Variants in CLK3 observed in about 807,000 individuals in gnomAD.
CLK3 encodes CDC like kinase 3, also known as dual specificity protein kinase CLK3.
CLK3 carries 24 observed loss-of-function variants against 65.2 expected under a neutral mutation model. The ratio of observed to expected loss-of-function variants is 0.37; its 90% CI spans 0.27 to 0.52. The LOEUF (loss-of-function observed/expected upper bound fraction) is 0.52. Ranked by LOEUF, CLK3 falls within the 20% of genes least tolerant of loss-of-function variation. CLK3 has a pLI of 0.92. For synonymous variants in CLK3, 252 were observed against 240.8 expected (o/e 1.05, Z -0.43); for missense variants, 506 against 660.0 (o/e 0.77, Z 2.56).
intron 12 of CLK3, 86 bp downstream of exon 12, chr15:74,629,118 C>T (rs748596058): frequency 5.5e-5 from 57 of 1,032,298 alleles, no homozygotes; most frequent in Middle Eastern, 4.0e-4. Context: ...CAGGCCAGGC[C>T]GCTAAAGGCT....
rs978476100 is a variant in CLK3 at position 74,624,723 on chromosome 15, C to G, written c.534-179C>G. On this transcript the variant is annotated intron_variant, in intron 5 of 12. Coordinates refer to ENST00000395066, the MANE Select transcript of CLK3 (RefSeq NM_001130028.2). This position sits in a 1 kb window ranked among gnomAD's most constrained non-coding sequence, Gnocchi z 4.2. ...TAACTCACAGATCTCAGGGAGCTTGCTGTTGGGTGGGCAAAGGTCTGGTGT... is the reference window on the plus strand; with the variant it reads ...TAACTCACAGATCTCAGGGAGCTTGGTGTTGGGTGGGCAAAGGTCTGGTGT... 1.6e-6 allele frequency: 1 copy of G among 608,216 alleles called. No individual in the cohort carries two copies. The highest frequency in any genetic ancestry group is 1.9e-5 in the African/African-American group (1 of 53,944). 37.7% of individuals were successfully genotyped at this position (608,216 alleles called of 1,614,324 possible).
At chr15:74,615,589 C>A, upstream of CLK3, 2 of 1,263,612 alleles carry the variant, frequency 1.6e-6, no homozygotes, top group Non-Finnish European at 2.0e-6. Flanking sequence ...GGGCCGCGCA[C>A]CTGTCAGGTC....
rs371419854 is a variant in CLK3 at position 74,620,026 on chromosome 15, A to C, written c.170A>C (p.Tyr57Ser). The change falls in exon 3 of 13, where the codon TAC (tyrosine) becomes TCC (serine). Residue 57 changes from tyrosine (Y) to serine (S), a missense_variant. By Grantham distance (144) the Tyr-to-Ser change is moderately radical (BLOSUM62 -2). Around this residue, in one of 2 missense-constraint regions of CLK3, gnomAD observed 181 missense variants for 159.4 expected, o/e 1.14. Coordinates refer to ENST00000395066, the MANE Select transcript of CLK3 (RefSeq NM_001130028.2). ...TTTGGCAGCCATGACCGCCTGCCCT[A>C]CCAGAGGAGGTACCGGGAGCGCCGT... ...SRSRSHDRLP[Y>S]QRRYRERRDS... 9.3e-6 allele frequency: 15 copies of C among 1,613,992 alleles called. No individual in the cohort carries two copies. The highest frequency in any genetic ancestry group is 1.2e-5 in the Non-Finnish European group (14 of 1,180,026).
chr15:74,624,280 CCTT>C lies in CLK3; in HGVS notation c.534-618_534-616del. ...AGGCACAGAGCAGGGACTGTTAAAA[CCTT>C]CTTTGGACACTTAAGAAGGGTTCCT... On this transcript the variant is annotated intron_variant, in intron 5 of 12. Coordinates refer to ENST00000395066, the MANE Select transcript of CLK3 (RefSeq NM_001130028.2). The surrounding 1 kb of genome is among the most constrained non-coding windows in gnomAD (Gnocchi z 4.2). The C allele has an allele frequency of 6.6e-6, 1 of 152,602 alleles. No homozygotes were observed. The highest frequency in any genetic ancestry group is 1.5e-5 in the Non-Finnish European group (1 of 68,238). The allele number at this position is 152,602 out of a possible 1,614,324, so 9.5% of individuals were successfully genotyped here.
chr15:74,620,398 T>G, intron 3 of CLK3, 173 bp downstream of exon 3: 1 of 878,266 alleles, frequency 1.1e-6, no homozygotes, highest in Non-Finnish European at 1.7e-6. Context: ...GATCACAGGG[T>G]CCTGGCCTCT....
chr15:74,625,721 TG>T, intron 6 of CLK3, 80 bp from the exon 7 acceptor site: 1 of 1,502,510 alleles, frequency 6.7e-7, no homozygotes, highest in Non-Finnish European at 9.2e-7. Context: ...AGGAGAGAGT[TG>T]GGAACTGTCT....
At chr15:74,623,902 G>A (rs2062122959) in intron 5 of CLK3, 1 of 152,286 alleles carries the variant, frequency 6.6e-6, no homozygotes, top group Non-Finnish European at 1.5e-5. Context: ...AGCTCCCTGT[G>A]CTGAGGACTG....
intron 2 of CLK3, among the ~76,000 whole-genome samples, 172 bp downstream of exon 2, chr15:74,619,520 A>G (rs946181463): frequency 1.3e-5 from 2 of 152,162 alleles, no homozygotes; most frequent in East Asian, 1.9e-4. Flanking sequence ...CCTCAGCAGT[A>G]GCTACCATCC....
upstream of CLK3, chr15:74,615,753 G>A: frequency 8.1e-7 from 1 of 1,238,730 alleles, no homozygotes; most frequent in Non-Finnish European, 1.0e-6. Context: ...AGAGCGGCCA[G>A]GCCTCCGAGC....
chr15:74,612,269 G>A (rs938660214), upstream of CLK3, among the ~76,000 whole-genome samples: 117 of 152,166 alleles, frequency 7.7e-4, no homozygotes, highest in African/African-American at 2.6e-3. Context: ...CTATGATGTG[G>A]GGGTCAGAGC....
chr15:74,627,956 A>T lies in CLK3; in HGVS notation c.1043-14A>T. On this transcript the variant is annotated splice_polypyrimidine_tract_variant and intron_variant, in intron 9 of 12. Transcript: ENST00000395066. The surrounding 1 kb of genome is among the most constrained non-coding windows in gnomAD (Gnocchi z 4.3). ...AGGCCGGATCTCACAGCCTCTCCCC[A>T]TCTTGGCTTGCAGAGCTGGGCTGGG... 1.2e-6 allele frequency: 2 copies of T among 1,603,996 alleles called. No individual in the cohort carries two copies. The highest frequency in any genetic ancestry group is 1.7e-6 in the Non-Finnish European group (2 of 1,170,746).
In CLK3 at chr15:74,619,275, A is replaced by G. The variant is rs2062083178; in HGVS notation, c.79A>G (p.Ser27Gly). 2.5e-6 allele frequency: 4 copies of G among 1,614,070 alleles called. No homozygotes were observed. The highest frequency in any genetic ancestry group is 1.1e-5 in the South Asian group (1 of 91,094). Residue 27 changes from serine to glycine, a missense_variant, in exon 2 of 13, where the codon AGT (serine) becomes GGT (glycine). Physicochemically the swap from Ser to Gly is moderately conservative, Grantham distance 56 (BLOSUM62 0). Transcript: ENST00000395066. ...SYRWKRRRSY[S>G]REHEGRLRYP... ...CCGATGGAAGAGGAGGAGGTCCTACAGTCGGGAACATGAAGGGAGACTGCG... is the reference window on the plus strand; with the variant it reads ...CCGATGGAAGAGGAGGAGGTCCTACGGTCGGGAACATGAAGGGAGACTGCG...
intron 3 of CLK3, chr15:74,620,628 T>A: frequency 3.8e-6 from 1 of 260,204 alleles, no homozygotes; most frequent in Non-Finnish European, 7.5e-6. Context: ...GACTGCCTCC[T>A]CGTGTAACTG....
Position 74,620,135 on chromosome 15 carries a change from G to A in CLK3, c.279G>A (p.Arg93=), listed in dbSNP as rs2062090229. ...YYGPSRSRHR[R]RSRERGPYRT... is the part of the protein sequence containing the mutation. ...GACCTTCACGTTCTCGTCATCGTCG[G>A]CGATCGCGGGAGAGGGGGCCATACC... is the stretch of plus-strand genomic sequence containing the variant. The change falls in exon 3 of 13, where the codon CGG becomes CGA. Residue 93 remains arginine (R), a synonymous_variant. Coordinates refer to ENST00000395066, the MANE Select transcript of CLK3 (RefSeq NM_001130028.2). 2 of 1,614,022 alleles carry A rather than the reference G, an allele frequency of 1.2e-6. No homozygotes were observed. The highest frequency in any genetic ancestry group is 1.7e-6 in the Non-Finnish European group (2 of 1,180,046).
rs2062053574 is a variant in CLK3 at position 74,615,897 on chromosome 15, CG to C, written c.-1+1del. The C allele has an allele frequency of 1.6e-6, 2 of 1,252,082 alleles. No individual in the cohort carries two copies. The highest frequency in any genetic ancestry group is 1.5e-5 in the African/African-American group (1 of 64,938). 77.6% of individuals were successfully genotyped at this position (1,252,082 alleles called of 1,614,324 possible). A position where few individuals can be genotyped will look rare whatever the true frequency, so the allele number is the denominator to read the frequency against. Reference sequence around the variant, plus strand: ...CTAGCTGCAGCCGGAGCCTGGGAGACGGTAAGTGTGGGCTGGGGTCCGCGGC... The same window carrying C: ...CTAGCTGCAGCCGGAGCCTGGGAGACGTAAGTGTGGGCTGGGGTCCGCGGC... On this transcript the variant is annotated splice_region_variant and 5_prime_UTR_variant, in exon 1 of 13. Transcript: ENST00000395066.
chr15:74,626,274 A>G (rs866681299), intron 7 of CLK3, among the ~76,000 whole-genome samples: 15 of 152,318 alleles, frequency 9.8e-5, no homozygotes, highest in African/African-American at 3.6e-4. Flanking sequence ...TGCTTCATGC[A>G]TGGGATAAAA....
At position 74,620,206 on chromosome 15, in the gene CLK3, C is replaced by G; in HGVS notation, c.350C>G (p.Ser117Cys). ...CACTGCCACAAACGCCGCACCAGGT[C>G]TTGTAGCAGCGCCTCCTCGGTGAGT... ...AHHCHKRRTR[S>C]CSSASSRSQQ... Residue 117 changes from serine to cysteine, a missense_variant, in exon 3 of 13, where the codon TCT becomes TGT. Transcript: ENST00000395066. 6.2e-7 allele frequency: 1 copy of G among 1,614,072 alleles called. No individual in the cohort carries two copies. Among genetic ancestry groups the G allele is most frequent in the Non-Finnish European group, 8.5e-7 (1 of 1,180,026 alleles).
At chr15:74,625,690 TG>T in intron 6 of CLK3, 111 bp from the exon 7 acceptor site, 1 of 1,085,530 alleles carries the variant, frequency 9.2e-7, no homozygotes, top group Non-Finnish European at 1.4e-6. Context: ...ATCTGCATTC[TG>T]GTGTGTGACC....
chr15:74,615,491 G>C, upstream of CLK3: 1 of 1,311,672 alleles, frequency 7.6e-7, no homozygotes, highest in Non-Finnish European at 9.7e-7. Flanking sequence ...GGAGTTGGCG[G>C]ACCACGCGGG....
Sources: gnomAD v4.1 joint callset for allele counts (sites outside exome capture counted in the v4.1 genomes callset) on GRCh38, gnomAD v4.1.1 for gene constraint, gnomAD v4.1.1 regional missense constraint, Gnocchi (gnomAD v3.1) non-coding constraint, MANE v1.5 for transcripts, NCBI Gene and HGNC (gene_info 2026-07-23, HGNC 2026-07-21) for gene names.